IGSF5: variants seen among roughly 807,000 people sequenced by gnomAD.
IGSF5 encodes immunoglobulin superfamily member 5.
Under a neutral mutation model 39.4 loss-of-function variants are expected in IGSF5, and 41 were observed. The observed-to-expected ratio is 1.04, with a 90% CI of 0.81 to 1.35. The LOEUF (loss-of-function observed/expected upper bound fraction) is 1.35, where lower values mean the gene tolerates loss of function less well. Ranked by LOEUF, IGSF5 falls within the 40% of genes most tolerant of loss-of-function variation. The pLI is 0.00. For missense variants in IGSF5, 487 were observed against 494.6 expected, an observed-to-expected ratio of 0.98 and a Z score of 0.15; for synonymous variants, 183 against 175.3, an observed-to-expected ratio of 1.04 and a Z score of -0.34.
the IGSF5 span, among the ~76,000 whole-genome samples, chr21:39,723,657 A>C: frequency 6.6e-6 from 1 of 152,190 alleles, no homozygotes; most frequent in East Asian, 1.9e-4. Context: ...AGAACTATAA[A>C]GGTTATGGGT....
At chr21:39,713,700 C>T in the IGSF5 span, among the ~76,000 whole-genome samples, 2 of 152,162 alleles carry the variant, frequency 1.3e-5, no homozygotes, top group Non-Finnish European at 2.9e-5. Flanking sequence ...AATGCTGCCT[C>T]CAGAATCCAG....
At chr21:39,750,617 T>A (rs1351509130) in intron 2 of IGSF5, among the ~76,000 whole-genome samples, 1 of 148,862 alleles carries the variant, frequency 6.7e-6, no homozygotes, top group Admixed American at 6.6e-5. Context: ...CCTGTGTTCA[T>A]CTCCTAGCAC....
intron 4 of IGSF5, among the ~76,000 whole-genome samples, chr21:39,774,673 C>G (rs2080130870): frequency 6.6e-6 from 1 of 152,176 alleles, no homozygotes; most frequent in South Asian, 2.1e-4. Context: ...ACTGTCAGAG[C>G]CATCTGCCCC....
At chr21:39,772,111 A>G (rs2080118100) in intron 4 of IGSF5, among the ~76,000 whole-genome samples, 1 of 152,228 alleles carries the variant, frequency 6.6e-6, no homozygotes, top group African/African-American at 2.4e-5. Flanking sequence ...ACAGCACCCT[A>G]TAGCTCTTAC....
intron 3 of IGSF5, among the ~76,000 whole-genome samples, chr21:39,770,351 G>A (rs563665495): frequency 2.3e-4 from 35 of 152,200 alleles, no homozygotes; most frequent in East Asian, 1.7e-3. Flanking sequence ...ATTGGAATTC[G>A]ATTTAATTTG....
rs1037737988 is a variant in IGSF5, at chr21:39,749,275, C to T, written c.100+2977C>T. Among the ~76,000 whole-genome samples the T allele has an allele frequency of 6.6e-5, 10 of 150,502 alleles. No individual in the cohort carries two copies. The East Asian group carries it at 1.2e-3, about 18-fold the overall frequency. Reference sequence around the variant, plus strand: ...TCACCCAGGCTGGAGTGCAGTGGCACGATCTCCACTCACTGCAACCTCCGC... The same window carrying T: ...TCACCCAGGCTGGAGTGCAGTGGCATGATCTCCACTCACTGCAACCTCCGC... On this transcript the variant is annotated intron_variant, in intron 2 of 8. Coordinates refer to ENST00000380588, the MANE Select transcript of IGSF5 (RefSeq NM_001080444.2).
At chr21:39,800,177 A>G (rs2146298213) in intron 8 of IGSF5, among the ~76,000 whole-genome samples, 1 of 152,218 alleles carries the variant, frequency 6.6e-6, no homozygotes, top group South Asian at 2.1e-4. Context: ...AATGTTTTTT[A>G]TTTTGGCGAA....
At chr21:39,767,019 T>A (rs1159750116) in intron 3 of IGSF5, among the ~76,000 whole-genome samples, 1 of 152,228 alleles carries the variant, frequency 6.6e-6, no homozygotes, top group African/African-American at 2.4e-5. Context: ...CTTACTTTTG[T>A]GTGTTTTTAA....
chr21:39,718,887 C>A, the IGSF5 span, among the ~76,000 whole-genome samples: 1 of 152,096 alleles, frequency 6.6e-6, no homozygotes, highest in African/African-American at 2.4e-5. Context: ...GAGAAATCTT[C>A]TTCCTCAATT....
chr21:39,721,545 T>C, the IGSF5 span, among the ~76,000 whole-genome samples: 1 of 152,186 alleles, frequency 6.6e-6, no homozygotes, highest in Admixed American at 6.5e-5. Flanking sequence ...GATAATCTCT[T>C]TTACTTCAAA....
At chr21:39,719,785 G>A in the IGSF5 span, among the ~76,000 whole-genome samples, 1 of 152,186 alleles carries the variant, frequency 6.6e-6, no homozygotes, top group South Asian at 2.1e-4. Flanking sequence ...TGGTGTTCAT[G>A]TGTTCTTCCC....
rs144312278 is a variant in IGSF5, at chr21:39,794,041, A to G, written c.1128+428A>G. Among the ~76,000 whole-genome samples the G allele has an allele frequency of 8.4e-3, 1,279 of 152,268 alleles. 59 individuals are homozygous for G. Among genetic ancestry groups the G allele is most frequent in the Admixed American group, 0.076 (1,164 of 15,286 alleles). On this transcript the variant is annotated intron_variant, in intron 8 of 8. Transcript: ENST00000380588. ...TTGGACCCTTGGGGCCTTTGGACTC[A>G]TGGAAGGATGCACTGGGTTTGAGGA... is the stretch of plus-strand genomic sequence containing the variant.
intron 2 of IGSF5, among the ~76,000 whole-genome samples, chr21:39,754,917 C>T (rs2146273428): frequency 6.6e-6 from 1 of 152,286 alleles, no homozygotes; most frequent in African/African-American, 2.4e-5. Flanking sequence ...AGCCTCACTG[C>T]TTGGTTCCTG....
intron 2 of IGSF5, among the ~76,000 whole-genome samples, chr21:39,763,164 C>G (rs565581062): frequency 6.6e-6 from 1 of 152,292 alleles, no homozygotes; most frequent in Admixed American, 6.5e-5. Context: ...TGAGGCACAG[C>G]TGCGGCGTGG....
the IGSF5 span, among the ~76,000 whole-genome samples, chr21:39,718,103 G>GTT: frequency 6.6e-6 from 1 of 151,372 alleles, no homozygotes; most frequent in Non-Finnish European, 1.5e-5. Flanking sequence ...TTTTGTGTGT[G>GTT]TCACAATTGA....
intron 4 of IGSF5, 23 bp from the exon 5 acceptor site, chr21:39,779,067 A>C: frequency 6.2e-7 from 1 of 1,609,886 alleles, no homozygotes; most frequent in Non-Finnish European, 8.5e-7. Context: ...AGTATCACTA[A>C]AATATATTTT....
At chr21:39,777,277 C>T (rs1254368636) in intron 4 of IGSF5, among the ~76,000 whole-genome samples, 1 of 152,120 alleles carries the variant, frequency 6.6e-6, no homozygotes, top group Non-Finnish European at 1.5e-5. Context: ...TCGTGGGTAG[C>T]TTGGGCAGTG....
At chr21:39,793,185 CA>C (rs1601142969) in intron 7 of IGSF5, among the ~76,000 whole-genome samples, 1 of 152,106 alleles carries the variant, frequency 6.6e-6, no homozygotes, top group East Asian at 1.9e-4. Context: ...ACTATCTTGA[CA>C]AAAATCATGG....
intron 3 of IGSF5, among the ~76,000 whole-genome samples, chr21:39,766,606 A>G (rs182105116): frequency 6.6e-6 from 1 of 152,332 alleles, no homozygotes; most frequent in Admixed American, 6.5e-5. Flanking sequence ...AGAATAAACA[A>G]AATTTATAAT....
Sources: gnomAD v4.1 joint callset for allele counts (sites outside exome capture counted in the v4.1 genomes callset) on GRCh38, gnomAD v4.1.1 for gene constraint, MANE v1.5 for transcripts, NCBI Gene and HGNC (gene_info 2026-07-23, HGNC 2026-07-21) for gene names.